The following SCN8A variants were observed in gnomAD, a reference collection of about 807,000 sequenced individuals.
SCN8A encodes sodium voltage-gated channel alpha subunit 8, also known as sodium channel protein type 8 subunit alpha.
In SCN8A, 30 loss-of-function variants were observed where a neutral mutation model predicts 184.1. That is an observed-to-expected ratio of 0.16 (90% CI 0.12 to 0.22). SCN8A has a LOEUF of 0.22. SCN8A is among the 10% of genes least tolerant of loss of function. SCN8A has a pLI of 1.00. For missense variants in SCN8A, 1,057 were observed against 2,498.9 expected, an observed-to-expected ratio of 0.42 and a Z score of 12.30; for synonymous variants, 852 against 907.0, an observed-to-expected ratio of 0.94 and a Z score of 1.09.
intron 19 of SCN8A, among the ~76,000 whole-genome samples, chr12:51,771,035 A>T (rs1002592368): frequency 2.0e-5 from 3 of 152,192 alleles, no homozygotes; most frequent in African/African-American, 7.2e-5. Context: ...TTATTCCTCC[A>T]CTTACTGTCC....
At chr12:51,677,101 ATTTT>A (rs1565883234) in intron 2 of SCN8A, among the ~76,000 whole-genome samples, 1 of 146,586 alleles carries the variant, frequency 6.8e-6, no homozygotes, top group Non-Finnish European at 1.5e-5. Context: ...ATTTTATTTT[ATTTT>A]ATTTTACCAA....
intron 1 of SCN8A, among the ~76,000 whole-genome samples, chr12:51,653,525 T>C (rs942944690): frequency 1.3e-5 from 2 of 152,244 alleles, no homozygotes; most frequent in African/African-American, 4.8e-5. Context: ...TTAAGCTACA[T>C]AAATATTTCA....
Position 51,807,099 on chromosome 12 carries a change from G to A in SCN8A, c.5613G>A (p.Glu1871=). 6.2e-7 allele frequency: 1 copy of A among 1,614,036 alleles called. No individual in the cohort carries two copies. The highest frequency in any genetic ancestry group is 8.5e-7 in the Non-Finnish European group (1 of 1,179,904). The change falls in exon 27 of 27, where the codon GAG becomes GAA. Residue 1871 remains glutamate (E), a synonymous_variant. Transcript: ENST00000627620. The surrounding 1 kb of genome is among the most constrained non-coding windows in gnomAD (Gnocchi z 4.5). ...ACATCCTGCGGCAGCAGATGGAAGA[G>A]CGGTTCGTGGCATCCAATCCTTCCA... ...ELDILRQQME[E]RFVASNPSKV... is the part of the protein sequence containing the mutation.
chr12:51,645,419 G>A (rs1651199135), intron 1 of SCN8A, among the ~76,000 whole-genome samples: 1 of 152,076 alleles, frequency 6.6e-6, no homozygotes, highest in African/African-American at 2.4e-5. Flanking sequence ...GAAGTGAGGA[G>A]CCCCTCTGCC....
In SCN8A at chr12:51,690,534, T is replaced by A. The variant is rs191239108; in HGVS notation, c.706+1438T>A. Reference sequence around the variant, plus strand: ...CACCCAGCTCATTTTTAAAAAAAAATTTTTTTGTAGAGACAGGGTCTCCCT... The same window carrying A: ...CACCCAGCTCATTTTTAAAAAAAAAATTTTTTGTAGAGACAGGGTCTCCCT... On this transcript the variant is annotated intron_variant, in intron 6 of 26. Transcript: ENST00000627620. 3.4e-3 allele frequency among the ~76,000 whole-genome samples: 521 copies of A among 151,882 alleles called. 1 individual carries two copies. Among genetic ancestry groups the A allele is most frequent in the African/African-American group, 0.012 (479 of 41,382 alleles).
At chr12:51,729,260 T>G (rs568055923) in intron 12 of SCN8A, among the ~76,000 whole-genome samples, 11 of 152,308 alleles carry the variant, frequency 7.2e-5, no homozygotes, top group African/African-American at 2.6e-4. Flanking sequence ...AGGAGTTATC[T>G]GAGCAATTGA....
In SCN8A at chr12:51,718,983, C is replaced by T. The variant is rs532453660; in HGVS notation, c.1636-2563C>T. On this transcript the variant is annotated intron_variant, in intron 11 of 26. Transcript: ENST00000627620. Reference sequence around the variant, plus strand: ...TAAAATTGGAAAAAGACTTAATTGCCAGCCGATAGATTATTACAATAAATT... The same window carrying T: ...TAAAATTGGAAAAAGACTTAATTGCTAGCCGATAGATTATTACAATAAATT... 9.4e-4 allele frequency among the ~76,000 whole-genome samples: 140 copies of T among 149,150 alleles called. 1 individual carries two copies. The highest frequency in any genetic ancestry group is 1.4e-3 in the Non-Finnish European group (96 of 66,966).
chr12:51,600,719 A>C (rs749604845), intron 1 of SCN8A, among the ~76,000 whole-genome samples: 6 of 152,214 alleles, frequency 3.9e-5, no homozygotes, highest in Non-Finnish European at 8.8e-5. Context: ...AATGAGAAAA[A>C]ATAAAGGGTT....
Position 51,699,683 on chromosome 12 carries a change from A to C in SCN8A, c.820A>C (p.Met274Leu), listed in dbSNP as rs1489971593. Residue 274 changes from methionine (M) to leucine (L), a missense_variant, in exon 7 of 27, where the codon ATG (methionine) becomes CTG (leucine). Met to Leu is a conservative substitution (Grantham distance 15, BLOSUM62 2). This residue lies in a region of SCN8A where 66 missense variants were observed against 276.4 expected (regional missense o/e 0.24). Transcript: ENST00000627620. ...VFALIGLQLF[M>L]GNLRNKCVVW... ...TGCCTTGATCGGACTGCAGCTGTTC[A>C]TGGGGAACCTTCGAAACAAGTGTGT... is the stretch of plus-strand genomic sequence containing the variant. The C allele has an allele frequency of 6.2e-7, 1 of 1,614,078 alleles. No homozygotes were observed. The highest frequency in any genetic ancestry group is 8.5e-7 in the Non-Finnish European group (1 of 1,179,958).
chr12:51,706,004 A>C (rs773743846), intron 10 of SCN8A, among the ~76,000 whole-genome samples: 87 of 152,372 alleles, frequency 5.7e-4, no homozygotes, highest in Non-Finnish European at 9.8e-4. Flanking sequence ...AGATACAGGC[A>C]AAATATTAAA....
intron 2 of SCN8A, among the ~76,000 whole-genome samples, chr12:51,665,732 A>G (rs1330883192): frequency 6.6e-6 from 1 of 152,162 alleles, no homozygotes; most frequent in Non-Finnish European, 1.5e-5. Context: ...GAAAAGCATA[A>G]TACATGCTTT....
Position 51,630,695 on chromosome 12 carries a change from CT to C in SCN8A, c.-54-32068del, listed in dbSNP as rs1325840661. 2.0e-5 allele frequency among the ~76,000 whole-genome samples: 3 copies of C among 152,196 alleles called. No homozygotes were observed. The East Asian group carries it at 5.8e-4, about 29-fold the overall frequency. On this transcript the variant is annotated intron_variant, in intron 1 of 26. Coordinates refer to ENST00000627620, the MANE Select transcript of SCN8A (RefSeq NM_001330260.2). ...TGGCTCATGACAAGTGACACTTCCT[CT>C]CCTCACCTTTTTGATGCCAGTTCAT...
chr12:51,687,505 C>T (rs953778550), intron 5 of SCN8A, among the ~76,000 whole-genome samples: 2 of 152,150 alleles, frequency 1.3e-5, no homozygotes, highest in African/African-American at 4.8e-5. Flanking sequence ...TATTTTATTC[C>T]TCCTTGTAAC....
chr12:51,689,241 T>C, intron 6 of SCN8A, 145 bp downstream of exon 6: 3 of 693,722 alleles, frequency 4.3e-6, no homozygotes, highest in East Asian at 5.4e-5. Flanking sequence ...TTCTCTGGAA[T>C]GGCCGTTGGG....
chr12:51,806,272 C>A lies in SCN8A; in HGVS notation c.4796-10C>A. Reference sequence around the variant, plus strand: ...CTCAATAACATAACTTCTTCTATTCCTCTTCTTAGGAATGTTCCTGGCAGA... The same window carrying A: ...CTCAATAACATAACTTCTTCTATTCATCTTCTTAGGAATGTTCCTGGCAGA... On this transcript the variant is annotated splice_polypyrimidine_tract_variant and intron_variant, in intron 26 of 26. Transcript: ENST00000627620. This position sits in a 1 kb window ranked among gnomAD's most constrained non-coding sequence, Gnocchi z 8.7. The A allele has an allele frequency of 6.6e-7, 1 of 1,505,130 alleles. No homozygotes were observed. Among genetic ancestry groups the A allele is most frequent in the Non-Finnish European group, 8.9e-7 (1 of 1,128,372 alleles). 93.2% of individuals were successfully genotyped at this position (1,505,130 alleles called of 1,614,324 possible).
At chr12:51,727,697 T>C (rs1382198926) in intron 12 of SCN8A, among the ~76,000 whole-genome samples, 1 of 152,184 alleles carries the variant, frequency 6.6e-6, no homozygotes, top group Non-Finnish European at 1.5e-5. Context: ...AAATAGTAGC[T>C]CATGCCTGTA....
At chr12:51,686,261 C>G in intron 3 of SCN8A, 107 bp from the exon 4 acceptor site, 3 of 718,402 alleles carry the variant, frequency 4.2e-6, no homozygotes, top group Non-Finnish European at 7.3e-6. Context: ...TGCTTCATCT[C>G]CTTTCAGGTT....
At chr12:51,592,025 G>A (rs1425388214) in intron 1 of SCN8A, among the ~76,000 whole-genome samples, 2 of 145,106 alleles carry the variant, frequency 1.4e-5, no homozygotes, top group Non-Finnish European at 3.0e-5. Context: ...ACATCACTTT[G>A]AGAATATCCC....
In SCN8A at chr12:51,606,900, A is replaced by AT. The variant is rs1188624029; in HGVS notation, c.-55+15544dup. Among the ~76,000 whole-genome samples the AT allele has an allele frequency of 3.6e-3, 540 of 149,432 alleles. 7 individuals carry two copies. The highest frequency in any genetic ancestry group is 0.013 in the African/African-American group (511 of 40,556). ...GTTGAGTTTTTATATATATTTATTT[A>AT]TTTATTTTTTTTTTTGAGACAGAGT... is the stretch of plus-strand genomic sequence containing the variant. On this transcript the variant is annotated intron_variant, in intron 1 of 26. Coordinates refer to ENST00000627620, the MANE Select transcript of SCN8A (RefSeq NM_001330260.2).
Sources: gnomAD v4.1 joint callset for allele counts (sites outside exome capture counted in the v4.1 genomes callset) on GRCh38, gnomAD v4.1.1 for gene constraint, gnomAD v4.1.1 regional missense constraint, Gnocchi (gnomAD v3.1) non-coding constraint, MANE v1.5 for transcripts, NCBI Gene and HGNC (gene_info 2026-07-23, HGNC 2026-07-21) for gene names.